The following CSMD3 variants were observed in gnomAD, a reference collection of about 807,000 sequenced individuals.
The protein encoded by CSMD3 is CUB and Sushi multiple domains 3.
Under a neutral mutation model 435.2 loss-of-function variants are expected in CSMD3, and 177 were observed. That is an observed-to-expected ratio of 0.41 (90% CI 0.36 to 0.46). The LOEUF (loss-of-function observed/expected upper bound fraction) is 0.46. Ranked by LOEUF, CSMD3 falls within the 20% of genes least tolerant of loss-of-function variation. The pLI, the probability that CSMD3 is intolerant of heterozygous loss-of-function variation, is 0.34. For synonymous variants in CSMD3, 1,656 were observed against 1,520.5 expected (o/e 1.09, Z -2.07); for missense variants, 4,265 against 4,504.6 (o/e 0.95, Z 1.52).
rs112344068 is a variant in CSMD3 at position 112,859,259 on chromosome 8, C to A, written c.1641G>T (p.Thr547=). 6.2e-7 allele frequency: 1 copy of A among 1,610,646 alleles called. No homozygotes were observed. The highest frequency in any genetic ancestry group is 2.2e-5 in the East Asian group (1 of 44,734). The change falls in exon 11 of 71, where the codon ACG becomes ACT. Residue 547 remains threonine (T), a synonymous_variant. Coordinates refer to ENST00000297405, the MANE Select transcript of CSMD3 (RefSeq NM_198123.2). ...TTGGTCCTTGAAGATTAGAGCCACACGTTTTCACTAAAAGAGAAATTGCAT... is the reference window on the plus strand; with the variant it reads ...TTGGTCCTTGAAGATTAGAGCCACAAGTTTTCACTAAAAGAGAAATTGCAT... The part of the protein sequence containing the change: ...SDHRPVCKVK[T]CGSNLQGPSG...
chr8:112,673,467 A>AT (rs1419122436), intron 16 of CSMD3, among the ~76,000 whole-genome samples: 1 of 152,112 alleles, frequency 6.6e-6, no homozygotes, highest in African/African-American at 2.4e-5. Context: ...GAGACGTAGA[A>AT]TTTAATAACA....
At chr8:113,131,003 T>A (rs1399051926) in intron 4 of CSMD3, among the ~76,000 whole-genome samples, 1 of 152,130 alleles carries the variant, frequency 6.6e-6, no homozygotes, top group Non-Finnish European at 1.5e-5. Context: ...GAAGAAGAAA[T>A]TTCTAAGGAG....
intron 1 of CSMD3, among the ~76,000 whole-genome samples, chr8:113,319,325 T>G (rs1047269550): frequency 6.6e-6 from 1 of 152,068 alleles, no homozygotes; most frequent in Non-Finnish European, 1.5e-5. Context: ...TTGAGCATCT[T>G]TTCATATACC....
chr8:112,639,284 C>T (rs1169876903), intron 20 of CSMD3, among the ~76,000 whole-genome samples: 6 of 152,036 alleles, frequency 3.9e-5, no homozygotes, highest in Admixed American at 2.0e-4. Flanking sequence ...CCAATCCCTT[C>T]GACCAACATA....
chr8:112,319,009 A>C (rs1007686123), intron 46 of CSMD3, 59 bp from the exon 47 acceptor site: 2 of 957,008 alleles, frequency 2.1e-6, no homozygotes, highest in African/African-American at 3.2e-5. Context: ...AAAAATAAAC[A>C]AATATTTCAA....
At chr8:113,227,487 G>A (rs1043808366) in intron 3 of CSMD3, among the ~76,000 whole-genome samples, 2 of 151,606 alleles carry the variant, frequency 1.3e-5, no homozygotes, top group African/African-American at 4.8e-5. Context: ...TATCATACAT[G>A]ATATGGTTTG....
At chr8:112,971,340 G>C (rs2084649331) in intron 7 of CSMD3, among the ~76,000 whole-genome samples, 1 of 152,124 alleles carries the variant, frequency 6.6e-6, no homozygotes, top group African/African-American at 2.4e-5. Flanking sequence ...CTGAGAAGTT[G>C]TGACTTTGGG....
chr8:112,311,640 C>G (rs185809915), intron 49 of CSMD3, among the ~76,000 whole-genome samples: 2 of 152,308 alleles, frequency 1.3e-5, no homozygotes, highest in East Asian at 3.9e-4. Flanking sequence ...TAAGCCCCCA[C>G]ATTCCATAAT....
Position 112,229,706 on chromosome 8 carries a change from G to A in CSMD3, c.10829-815C>T, listed in dbSNP as rs1812909187. Among the ~76,000 whole-genome samples the A allele has an allele frequency of 2.0e-5, 3 of 152,114 alleles. No homozygotes were observed. In the South Asian group the frequency reaches 6.2e-4, roughly 32 times the overall value. ...AGCTTCCCAAAATGCTGGGATTACA[G>A]GCATGAGTGATGGCACCCAGCCAGA... On this transcript the variant is annotated intron_variant, in intron 69 of 70. Transcript: ENST00000297405.
intron 1 of CSMD3, among the ~76,000 whole-genome samples, chr8:113,411,423 T>C (rs2094559409): frequency 1.3e-5 from 2 of 152,220 alleles, no homozygotes; most frequent in Admixed American, 1.3e-4. Flanking sequence ...CTGGATCTTC[T>C]TTAAAATGGA....
At chr8:112,648,032 T>C (rs959190996) in intron 19 of CSMD3, among the ~76,000 whole-genome samples, 1 of 152,180 alleles carries the variant, frequency 6.6e-6, no homozygotes, top group Non-Finnish European at 1.5e-5. Flanking sequence ...TCATGGGATA[T>C]AAAGACATCA....
chr8:113,184,447 T>A (rs988862), intron 3 of CSMD3, among the ~76,000 whole-genome samples: 75,179 of 151,798 alleles, frequency 0.5, 21,816 homozygotes, highest in East Asian at 0.88. Flanking sequence ...CTTGAAGCTT[T>A]CTAGAACCTG....
chr8:113,154,930 A>G (rs1246503859), intron 4 of CSMD3, among the ~76,000 whole-genome samples: 1 of 151,958 alleles, frequency 6.6e-6, no homozygotes, highest in Non-Finnish European at 1.5e-5. Flanking sequence ...TTTGTGTCCT[A>G]ATGATCAGGA....
intron 38 of CSMD3, among the ~76,000 whole-genome samples, chr8:112,369,888 A>C (rs570644110): frequency 6.6e-6 from 1 of 151,974 alleles, no homozygotes; most frequent in Admixed American, 6.6e-5. Context: ...AGAAAAACTA[A>C]AAATAAATAA....
At chr8:112,650,009 C>CA (rs1466157837) in intron 19 of CSMD3, 152 bp downstream of exon 19, 3 of 638,920 alleles carry the variant, frequency 4.7e-6, no homozygotes, top group Non-Finnish European at 8.2e-6. Flanking sequence ...GTCTTTATTT[C>CA]ATGAATGGTT....
chr8:113,252,303 A>G (rs535247189), intron 3 of CSMD3, among the ~76,000 whole-genome samples: 2 of 152,196 alleles, frequency 1.3e-5, no homozygotes, highest in East Asian at 3.9e-4. Context: ...TTCCTAAGAG[A>G]TGATACTATC....
intron 31 of CSMD3, among the ~76,000 whole-genome samples, chr8:112,491,480 A>G (rs1586497861): frequency 1.3e-5 from 2 of 151,508 alleles, no homozygotes; most frequent in South Asian, 4.2e-4. Context: ...CATTGCAAAA[A>G]CTCTACTAAA....
intron 45 of CSMD3, among the ~76,000 whole-genome samples, chr8:112,326,556 C>A (rs1333763128): frequency 6.6e-6 from 1 of 152,162 alleles, no homozygotes; most frequent in Non-Finnish European, 1.5e-5. Flanking sequence ...AGGGTACATT[C>A]CGCTTGACAA....
chr8:113,031,465 A>C (rs959289699), intron 5 of CSMD3, among the ~76,000 whole-genome samples: 3 of 151,624 alleles, frequency 2.0e-5, no homozygotes, highest in African/African-American at 7.2e-5. Context: ...GGAATGAAAA[A>C]ATTAAAGATA....
Sources: gnomAD v4.1 joint callset for allele counts (sites outside exome capture counted in the v4.1 genomes callset) on GRCh38, gnomAD v4.1.1 for gene constraint, MANE v1.5 for transcripts, NCBI Gene and HGNC (gene_info 2026-07-23, HGNC 2026-07-21) for gene names.